Variants in GPR158 observed in about 807,000 individuals in gnomAD.
GPR158 encodes the protein metabotropic glycine receptor.
Under a neutral mutation model 78.2 loss-of-function variants are expected in GPR158, and 30 were observed. The observed-to-expected ratio is 0.38, with a 90% CI of 0.29 to 0.52. GPR158 has a LOEUF of 0.52. Among genes scored for constraint, GPR158 ranks in the 20% least tolerant of loss-of-function variants. The pLI is 0.83. For synonymous variants in GPR158, 581 were observed against 591.1 expected, an observed-to-expected ratio of 0.98 and a Z score of 0.25; for missense variants, 1,463 against 1,523.5, an observed-to-expected ratio of 0.96 and a Z score of 0.66.
chr10:25,252,807 G>T (rs2130724102), intron 2 of GPR158, among the ~76,000 whole-genome samples: 1 of 152,164 alleles, frequency 6.6e-6, no homozygotes, highest in African/African-American at 2.4e-5. Flanking sequence ...GGCTACAGAG[G>T]CAGGCAGGCC....
chr10:25,219,039 A>G (rs1044466469), intron 1 of GPR158, among the ~76,000 whole-genome samples: 1 of 152,222 alleles, frequency 6.6e-6, no homozygotes, highest in Non-Finnish European at 1.5e-5. Flanking sequence ...AGTGAAAGAA[A>G]GTTATTTCCA....
intron 1 of GPR158, among the ~76,000 whole-genome samples, chr10:25,208,323 A>G (rs1853074125): frequency 6.6e-6 from 1 of 152,234 alleles, no homozygotes. Context: ...GTTTTGAAAA[A>G]AGAAAACTTT....
intron 2 of GPR158, among the ~76,000 whole-genome samples, chr10:25,241,280 C>CTTTTCT (rs1554787187): frequency 8.1e-5 from 2 of 24,626 alleles, no homozygotes; most frequent in African/African-American, 3.0e-4. Flanking sequence ...TCCTTTCTTT[C>CTTTTCT]TTTCTTTTCT....
chr10:25,284,737 A>G (rs1402840805), intron 2 of GPR158, among the ~76,000 whole-genome samples: 1 of 151,150 alleles, frequency 6.6e-6, no homozygotes, highest in Non-Finnish European at 1.5e-5. Context: ...TTATTATTCC[A>G]TTTTACCTCC....
chr10:25,385,359 A>C (rs1834208403), intron 2 of GPR158, among the ~76,000 whole-genome samples: 1 of 99,182 alleles, frequency 1.0e-5, no homozygotes, highest in East Asian at 2.0e-4. Context: ...TTGTTTATCC[A>C]TTTATTTGTT....
chr10:25,410,663 C>T (rs939884096), intron 3 of GPR158, among the ~76,000 whole-genome samples: 10 of 152,110 alleles, frequency 6.6e-5, no homozygotes, highest in Admixed American at 1.3e-4. Flanking sequence ...CACAGCAATT[C>T]ATGTTTCATA....
At chr10:25,242,960 C>T (rs1163510229) in intron 2 of GPR158, among the ~76,000 whole-genome samples, 1 of 152,178 alleles carries the variant, frequency 6.6e-6, no homozygotes, top group Non-Finnish European at 1.5e-5. Context: ...CTTTCCATGC[C>T]AGATTTGGAA....
chr10:25,244,304 C>T (rs1170560663), intron 2 of GPR158, among the ~76,000 whole-genome samples: 1 of 152,252 alleles, frequency 6.6e-6, no homozygotes, highest in South Asian at 2.1e-4. Context: ...TGCTCCAATT[C>T]TCAAGTAATA....
rs145301725 is a variant in GPR158 at position 25,456,078 on chromosome 10, A to C, written c.1336-10573A>C. Among the ~76,000 whole-genome samples the C allele has an allele frequency of 3.3e-5, 5 of 152,262 alleles. No individual in the cohort carries two copies. In the East Asian group the frequency reaches 9.7e-4, roughly 29 times the overall value. Reference sequence around the variant, plus strand: ...GCATCTAAATAACAATCGCTACCCTACAACCCTTTATAGTCTACCTTTGTT... The same window carrying C: ...GCATCTAAATAACAATCGCTACCCTCCAACCCTTTATAGTCTACCTTTGTT... On this transcript the variant is annotated intron_variant, in intron 4 of 10. Coordinates refer to ENST00000376351, the MANE Select transcript of GPR158 (RefSeq NM_020752.3).
At chr10:25,324,280 G>T (rs1854996757) in intron 2 of GPR158, among the ~76,000 whole-genome samples, 1 of 152,202 alleles carries the variant, frequency 6.6e-6, no homozygotes, top group African/African-American at 2.4e-5. Context: ...GATTTAAAAT[G>T]AGAGACATGC....
chr10:25,554,497 A>G (rs934386565), intron 6 of GPR158, among the ~76,000 whole-genome samples: 1 of 152,300 alleles, frequency 6.6e-6, no homozygotes, highest in Middle Eastern at 3.4e-3. Flanking sequence ...CTTGAAACAA[A>G]CATGAAAGAG....
intron 5 of GPR158, among the ~76,000 whole-genome samples, chr10:25,516,144 G>A (rs1340634521): frequency 6.6e-6 from 1 of 151,860 alleles, no homozygotes; most frequent in Non-Finnish European, 1.5e-5. Context: ...TTTTTCATGT[G>A]TTTTTTGGCT....
intron 2 of GPR158, among the ~76,000 whole-genome samples, chr10:25,376,453 A>G (rs1395284663): frequency 6.6e-6 from 1 of 151,472 alleles, no homozygotes; most frequent in Non-Finnish European, 1.5e-5. Context: ...TCTTTCTGTA[A>G]TTTCTTCTCA....
intron 2 of GPR158, among the ~76,000 whole-genome samples, chr10:25,253,368 G>A (rs894335342): frequency 5.3e-5 from 8 of 152,138 alleles, no homozygotes; most frequent in Non-Finnish European, 1.0e-4. Flanking sequence ...TAATGGGGGA[G>A]GTGTCCCTCT....
chr10:25,320,674 A>G lies in GPR158; in HGVS notation c.1009-75237A>G, dbSNP rs550495527. 3.3e-4 allele frequency among the ~76,000 whole-genome samples: 51 copies of G among 152,344 alleles called. 1 individual carries two copies. Among genetic ancestry groups the G allele is most frequent in the Middle Eastern group, 3.4e-3 (1 of 294 alleles). ...AAATTGTTGCTATTTGTCTCTACAT[A>G]TGAATATTCTCTTTTCCTGCTGATT... is the stretch of plus-strand genomic sequence containing the variant. On this transcript the variant is annotated intron_variant, in intron 2 of 10. Coordinates refer to ENST00000376351, the MANE Select transcript of GPR158 (RefSeq NM_020752.3).
chr10:25,409,847 T>G (rs1834561838), intron 3 of GPR158, among the ~76,000 whole-genome samples: 1 of 152,220 alleles, frequency 6.6e-6, no homozygotes, highest in African/African-American at 2.4e-5. Flanking sequence ...ATTATTCCTA[T>G]CAACCATGAG....
intron 2 of GPR158, chr10:25,243,976 A>G (rs932848884): frequency 6.6e-6 from 1 of 152,174 alleles, no homozygotes. Flanking sequence ...AGGAAATGCT[A>G]TATAATATTA....
At chr10:25,447,858 T>TAAAA (rs5783932) in intron 4 of GPR158, among the ~76,000 whole-genome samples, 91,712 of 151,592 alleles carry the variant, frequency 0.6, 28,127 homozygotes, top group East Asian at 0.99. Flanking sequence ...GTCAGTTTAA[T>TAAAA]AAATGCACAC....
At chr10:25,305,713 C>T (rs60111500) in intron 2 of GPR158, among the ~76,000 whole-genome samples, 10,920 of 152,048 alleles carry the variant, frequency 0.072, 699 homozygotes, top group African/African-American at 0.16. Flanking sequence ...TGTTTTTCCA[C>T]GAGATTAAGA....
Sources: gnomAD v4.1 joint callset for allele counts (sites outside exome capture counted in the v4.1 genomes callset) on GRCh38, gnomAD v4.1.1 for gene constraint, MANE v1.5 for transcripts, NCBI Gene and HGNC (gene_info 2026-07-23, HGNC 2026-07-21) for gene names.